Variants in PHF14 observed in about 807,000 individuals in gnomAD.
PHF14 encodes PHD finger protein 14.
Under a neutral mutation model 117.9 loss-of-function variants are expected in PHF14, and 55 were observed. The ratio of observed to expected loss-of-function variants is 0.47; its 90% confidence interval spans 0.38 to 0.58. The LOEUF (loss-of-function observed/expected upper bound fraction) is 0.58. Among genes scored for constraint, PHF14 ranks in the 20% least tolerant of loss-of-function variants. The pLI is 0.00. For missense variants in PHF14, 978 were observed against 1,122.2 expected (o/e 0.87, Z 1.84); for synonymous variants, 409 against 368.6 (o/e 1.11, Z -1.26).
chr7:11,145,929 T>C (rs973050045), intron 17 of PHF14, among the ~76,000 whole-genome samples: 5 of 152,012 alleles, frequency 3.3e-5, no homozygotes, highest in African/African-American at 4.8e-5. Flanking sequence ...TAATTTATAT[T>C]CTCATTAATT....
intron 13 of PHF14, among the ~76,000 whole-genome samples, chr7:11,046,912 A>G (rs186257455): frequency 8.1e-4 from 123 of 152,068 alleles, no homozygotes; most frequent in Middle Eastern, 3.4e-3. Flanking sequence ...TGATGACTGA[A>G]AAAGATAAAT....
At chr7:10,986,797 T>C (rs1681310) in intron 3 of PHF14, among the ~76,000 whole-genome samples, 53,245 of 152,032 alleles carry the variant, frequency 0.35, 10,320 homozygotes, top group Middle Eastern at 0.46. Flanking sequence ...ATTTTCAAGA[T>C]TTTGAAACTA....
At chr7:11,151,623 T>TTGTA (rs1328420730) in intron 17 of PHF14, among the ~76,000 whole-genome samples, 2 of 152,126 alleles carry the variant, frequency 1.3e-5, no homozygotes, top group Non-Finnish European at 2.9e-5. Flanking sequence ...GTGTCAGAGT[T>TTGTA]TTGTAGTCAA....
rs957591085 is a variant in PHF14, at chr7:11,028,756, G to A, written c.1393G>A (p.Ala465Thr). The A allele has an allele frequency of 1.2e-6, 2 of 1,613,698 alleles. No homozygotes were observed. The highest frequency in any genetic ancestry group is 1.7e-6 in the Non-Finnish European group (2 of 1,179,742). Residue 465 changes from alanine (A) to threonine (T), a missense_variant, in exon 7 of 18, where the codon GCC (alanine) becomes ACC (threonine). Physicochemically the swap from Ala to Thr is moderately conservative, Grantham distance 58. This residue lies in a region of PHF14 where 23 missense variants were observed against 66.8 expected (regional missense o/e 0.34). Transcript: ENST00000634607. ...TAGCTGTGATGCAGGGATGTGCAGA[G>A]CCTATTTCCATGTGACCTGTGCTCA... ...CISCDAGMCR[A>T]YFHVTCAQKE...
chr7:11,023,930 C>G (rs562917076), intron 6 of PHF14, among the ~76,000 whole-genome samples: 43 of 152,254 alleles, frequency 2.8e-4, no homozygotes, highest in African/African-American at 9.9e-4. Flanking sequence ...AAATTAAAAG[C>G]TAGAAATGAT....
chr7:10,980,615 A>G (rs770921291), intron 2 of PHF14, among the ~76,000 whole-genome samples: 26 of 152,184 alleles, frequency 1.7e-4, no homozygotes, highest in Non-Finnish European at 3.4e-4. Context: ...GAAGCTTAAA[A>G]ATCCAAGTGT....
intron 17 of PHF14, among the ~76,000 whole-genome samples, chr7:11,141,980 C>T (rs1788413690): frequency 6.6e-6 from 1 of 151,840 alleles, no homozygotes; most frequent in African/African-American, 2.4e-5. Flanking sequence ...TTCAAATGGC[C>T]ATATTTTGAA....
At chr7:11,020,801 A>G (rs928966758) in intron 5 of PHF14, among the ~76,000 whole-genome samples, 1 of 152,204 alleles carries the variant, frequency 6.6e-6, no homozygotes, top group African/African-American at 2.4e-5. Context: ...TATGTAAATG[A>G]ACAACCTCCT....
intron 16 of PHF14, among the ~76,000 whole-genome samples, chr7:11,090,018 G>T (rs183939111): frequency 1.1e-3 from 160 of 152,206 alleles, no homozygotes; most frequent in African/African-American, 3.6e-3. Flanking sequence ...TGATTCGCCC[G>T]CCTTAGCCTC....
intron 17 of PHF14, among the ~76,000 whole-genome samples, chr7:11,164,281 T>C (rs754746712): frequency 6.6e-5 from 10 of 152,206 alleles, no homozygotes; most frequent in Admixed American, 3.3e-4. Context: ...GGAAATAGTT[T>C]GTTCATATGG....
At chr7:10,988,188 A>G (rs1782300278) in intron 3 of PHF14, among the ~76,000 whole-genome samples, 1 of 152,104 alleles carries the variant, frequency 6.6e-6, no homozygotes, top group Non-Finnish European at 1.5e-5. Context: ...CATTTCTATT[A>G]AGAGCCTCAA....
intron 16 of PHF14, among the ~76,000 whole-genome samples, chr7:11,071,841 A>G (rs1785622793): frequency 6.6e-6 from 1 of 152,252 alleles, no homozygotes; most frequent in African/African-American, 2.4e-5. Context: ...AGTGACTCTC[A>G]TATGAAAAAA....
At chr7:10,997,358 A>G (rs917966156) in intron 4 of PHF14, among the ~76,000 whole-genome samples, 2 of 152,214 alleles carry the variant, frequency 1.3e-5, no homozygotes, top group African/African-American at 2.4e-5. Context: ...AATTCCTGTG[A>G]TGAGTTTTTA....
At chr7:11,049,957 T>C (rs1298671544) in intron 13 of PHF14, among the ~76,000 whole-genome samples, 1 of 152,198 alleles carries the variant, frequency 6.6e-6, no homozygotes, top group Non-Finnish European at 1.5e-5. Flanking sequence ...ATGTACATTT[T>C]TGTTTTGCTT....
At chr7:11,087,066 G>T (rs528180624) in intron 16 of PHF14, among the ~76,000 whole-genome samples, 3 of 152,150 alleles carry the variant, frequency 2.0e-5, no homozygotes, top group South Asian at 2.1e-4. Flanking sequence ...ATAAATAAGG[G>T]TATACTTTGT....
chr7:11,006,841 A>G, intron 4 of PHF14: 1 of 676,130 alleles, frequency 1.5e-6, no homozygotes, highest in Non-Finnish European at 2.7e-6. Context: ...TAGGAGGGAC[A>G]GGAGCTTCCT....
intron 3 of PHF14, among the ~76,000 whole-genome samples, chr7:10,989,425 A>G (rs1051737005): frequency 5.3e-5 from 8 of 152,152 alleles, no homozygotes; most frequent in African/African-American, 1.9e-4. Flanking sequence ...TTATTTCTGA[A>G]TATTGTTAGG....
At chr7:11,105,874 A>G in intron 16 of PHF14, 3 of 955,490 alleles carry the variant, frequency 3.1e-6, no homozygotes, top group Non-Finnish European at 3.7e-6. Flanking sequence ...TATCTGATTT[A>G]CATTGTAAAA....
intron 13 of PHF14, among the ~76,000 whole-genome samples, chr7:11,045,392 A>G (rs1784630415): frequency 6.6e-6 from 1 of 152,140 alleles, no homozygotes; most frequent in South Asian, 2.1e-4. Flanking sequence ...TCCCTCTGGT[A>G]TAATATTTCT....
Sources: allele counts gnomAD v4.1 joint callset (sites outside exome capture counted in the v4.1 genomes callset), GRCh38; gene constraint gnomAD v4.1.1; regional missense constraint gnomAD v4.1.1; transcripts MANE v1.5; gene names NCBI Gene and HGNC (gene_info 2026-07-23, HGNC 2026-07-21).